LGSN: variants seen among roughly 807,000 people sequenced by gnomAD.
LGSN encodes lengsin, lens protein with glutamine synthetase domain, also known as lengsin.
In LGSN, 21 loss-of-function variants were observed where a neutral mutation model predicts 19.5. That is an observed-to-expected ratio of 1.07 (90% CI 0.76 to 1.55). The LOEUF is 1.55. LGSN is among the 40% of genes most tolerant of loss of function. The pLI is 0.00. For missense variants in LGSN, 673 were observed against 608.5 expected (o/e 1.11, Z -1.12); for synonymous variants, 257 against 215.6 (o/e 1.19, Z -1.68).
the LGSN span, among the ~76,000 whole-genome samples, chr6:63,407,691 A>G: frequency 2.0e-4 from 31 of 152,326 alleles, no homozygotes; most frequent in Non-Finnish European, 4.4e-4. Context: ...GCAATTAGGC[A>G]GGAGAAGCAA....
chr6:63,533,883 G>A, the LGSN span, among the ~76,000 whole-genome samples: 32 of 151,702 alleles, frequency 2.1e-4, no homozygotes, highest in Middle Eastern at 6.8e-3. Flanking sequence ...TCACTCTGTC[G>A]TCCAAGCTGG....
the LGSN span, among the ~76,000 whole-genome samples, chr6:63,330,456 C>T: frequency 2.0e-5 from 3 of 152,188 alleles, no homozygotes; most frequent in Non-Finnish European, 4.4e-5. Flanking sequence ...GGAGCTTTCT[C>T]CTGATATCTG....
chr6:63,537,918 C>T, the LGSN span, among the ~76,000 whole-genome samples: 2 of 152,072 alleles, frequency 1.3e-5, no homozygotes, highest in African/African-American at 4.8e-5. Flanking sequence ...ACAGGCAGGC[C>T]CAGACAGGAG....
chr6:63,372,236 T>C, the LGSN span, among the ~76,000 whole-genome samples: 1 of 152,224 alleles, frequency 6.6e-6, no homozygotes, highest in African/African-American at 2.4e-5. Context: ...GTTGACTATG[T>C]AGTAAAACAA....
the LGSN span, among the ~76,000 whole-genome samples, chr6:63,331,255 C>T: frequency 2.0e-5 from 3 of 152,264 alleles, no homozygotes; most frequent in South Asian, 6.2e-4. Context: ...TGTATTCTCC[C>T]TCAATGAAAA....
At chr6:63,523,612 T>G in the LGSN span, among the ~76,000 whole-genome samples, 2 of 152,212 alleles carry the variant, frequency 1.3e-5, no homozygotes, top group Non-Finnish European at 2.9e-5. Context: ...ATAAGCCCAC[T>G]CAGATCTAAG....
At chr6:63,331,856 T>C in the LGSN span, among the ~76,000 whole-genome samples, 1 of 152,036 alleles carries the variant, frequency 6.6e-6, no homozygotes, top group Non-Finnish European at 1.5e-5. Context: ...AAATCGGATT[T>C]AGTGGCCCAT....
the LGSN span, among the ~76,000 whole-genome samples, chr6:63,477,676 CTTCTTTTT>C: frequency 6.8e-5 from 4 of 58,440 alleles, no homozygotes; most frequent in African/African-American, 2.3e-4. Context: ...TCTTCTTCTT[CTTCTTTTT>C]TTCTTTTTTT....
chr6:63,521,172 A>G, the LGSN span, among the ~76,000 whole-genome samples: 17 of 152,180 alleles, frequency 1.1e-4, no homozygotes, highest in African/African-American at 4.1e-4. Context: ...TGGTACATGT[A>G]TACCTATGTA....
the LGSN span, chr6:63,480,160 C>A: frequency 4.6e-6 from 1 of 218,766 alleles, no homozygotes; most frequent in South Asian, 8.9e-5. Context: ...TGAAAAGCCC[C>A]ACTGGCCTCC....
the LGSN span, among the ~76,000 whole-genome samples, chr6:63,512,813 T>C: frequency 2.0e-4 from 31 of 152,360 alleles, no homozygotes; most frequent in African/African-American, 7.5e-4. Flanking sequence ...ACAACTTTAC[T>C]ACCCACAAGT....
chr6:63,460,685 C>T, the LGSN span, among the ~76,000 whole-genome samples: 1 of 152,102 alleles, frequency 6.6e-6, no homozygotes, highest in Non-Finnish European at 1.5e-5. Context: ...AACAAACCAG[C>T]CCAGGGGAAA....
At chr6:63,428,438 G>A in the LGSN span, among the ~76,000 whole-genome samples, 23 of 151,998 alleles carry the variant, frequency 1.5e-4, no homozygotes, top group Admixed American at 3.9e-4. Flanking sequence ...AGCAACCTCC[G>A]CCTCCTAGGT....
the LGSN span, among the ~76,000 whole-genome samples, chr6:63,358,653 G>A: frequency 6.6e-6 from 1 of 152,176 alleles, no homozygotes; most frequent in African/African-American, 2.4e-5. Flanking sequence ...TGGTGTATAA[G>A]AATGCTTGTG....
chr6:63,529,904 T>C, the LGSN span, among the ~76,000 whole-genome samples: 1 of 152,232 alleles, frequency 6.6e-6, no homozygotes, highest in African/African-American at 2.4e-5. Context: ...AGTAAGTTAG[T>C]ATTTTCACTA....
the LGSN span, among the ~76,000 whole-genome samples, chr6:63,354,495 G>C: frequency 6.6e-6 from 1 of 152,128 alleles, no homozygotes; most frequent in African/African-American, 2.4e-5. Context: ...AAATATAACA[G>C]ATGCTGGTGA....
chr6:63,410,869 C>T, the LGSN span, among the ~76,000 whole-genome samples: 1 of 152,130 alleles, frequency 6.6e-6, no homozygotes. Context: ...ATGGTTGCTG[C>T]CTCATGCTCC....
the LGSN span, among the ~76,000 whole-genome samples, chr6:63,412,522 GAAAGAAGGAAAGAAAGAAA>G: frequency 4.2e-5 from 4 of 95,806 alleles, no homozygotes; most frequent in Admixed American, 1.3e-4. Context: ...AAGAAAGAAA[GAAAGAAGGAAAGAAAGAAA>G]GAAAGAAAGA....
At chr6:63,394,798 C>G in the LGSN span, among the ~76,000 whole-genome samples, 15 of 152,204 alleles carry the variant, frequency 9.9e-5, no homozygotes, top group Non-Finnish European at 2.1e-4. Context: ...CCAGGACTGC[C>G]GGGTGCTGGC....
Sources: allele counts gnomAD v4.1 joint callset (sites outside exome capture counted in the v4.1 genomes callset), GRCh38; gene constraint gnomAD v4.1.1; transcripts MANE v1.5; gene names NCBI Gene and HGNC (gene_info 2026-07-23, HGNC 2026-07-21).